ARMH3: variants seen among roughly 807,000 people sequenced by gnomAD.
The protein encoded by ARMH3 is armadillo-like helical domain-containing protein 3.
A neutral mutation model predicts 99.1 loss-of-function variants in ARMH3; 60 were observed. That is an observed-to-expected ratio of 0.61 (90% CI 0.49 to 0.75). The LOEUF (loss-of-function observed/expected upper bound fraction) is 0.75, where lower values mean the gene tolerates loss of function less well. ARMH3 is among the 30% of genes least tolerant of loss of function. ARMH3 has a pLI of 0.00. For synonymous variants in ARMH3, 285 were observed against 292.8 expected (o/e 0.97, Z 0.27); for missense variants, 679 against 843.1 (o/e 0.81, Z 2.41).
In ARMH3 at chr10:101,954,527, T is replaced by C. The variant is rs191229686; in HGVS notation, c.1705+2070A>G. ...ATCAGTGGTTGCTAGGGGTTGTGCG[T>C]AGACAAAGGAGGTGACCTCATATGA... On this transcript the variant is annotated intron_variant, in intron 22 of 25. Coordinates refer to ENST00000370033, the MANE Select transcript of ARMH3 (RefSeq NM_024541.3). 2.0e-4 allele frequency among the ~76,000 whole-genome samples: 30 copies of C among 152,264 alleles called. No homozygotes were observed. In the East Asian group the frequency reaches 5.0e-3, roughly 25 times the overall value.
At chr10:101,881,410 G>C (rs1176368950) in intron 24 of ARMH3, among the ~76,000 whole-genome samples, 1 of 152,098 alleles carries the variant, frequency 6.6e-6, no homozygotes, top group East Asian at 1.9e-4. Flanking sequence ...GGTTACCAGG[G>C]CAGCTGAGGG....
At chr10:101,963,143 ATTTTTTT>A (rs11455511) in intron 20 of ARMH3, among the ~76,000 whole-genome samples, 49 of 112,238 alleles carry the variant, frequency 4.4e-4, no homozygotes, top group Non-Finnish European at 6.9e-4. Context: ...ATAATTTTGC[ATTTTTTT>A]TTTTTTTTTT....
chr10:102,028,618 T>A (rs1297980583), intron 5 of ARMH3, among the ~76,000 whole-genome samples: 3 of 152,184 alleles, frequency 2.0e-5, no homozygotes. Context: ...AAAAACATTA[T>A]GTGAAGTAAC....
At chr10:101,898,929 C>T (rs980042844) in intron 23 of ARMH3, among the ~76,000 whole-genome samples, 4 of 152,244 alleles carry the variant, frequency 2.6e-5, no homozygotes, top group African/African-American at 4.8e-5. Flanking sequence ...GATCTCTTCA[C>T]ATAGAATGTT....
chr10:102,043,551 G>A lies in ARMH3; in HGVS notation c.-11-3426C>T, dbSNP rs1007937366. ...CAAATCATGAGAAATAAATGGAGTA[G>A]AAGTACAAAGAAAATGCTATGGGAT... On this transcript the variant is annotated intron_variant, in intron 1 of 25. Coordinates refer to ENST00000370033, the MANE Select transcript of ARMH3 (RefSeq NM_024541.3). 3.9e-5 allele frequency among the ~76,000 whole-genome samples: 6 copies of A among 152,142 alleles called. No homozygotes were observed. In the South Asian group the frequency reaches 6.2e-4, roughly 16 times the overall value.
At chr10:101,879,620 G>A (rs922497731) in intron 24 of ARMH3, among the ~76,000 whole-genome samples, 1 of 152,136 alleles carries the variant, frequency 6.6e-6, no homozygotes, top group Non-Finnish European at 1.5e-5. Context: ...CAAAAGTGCT[G>A]GGACTACAGG....
At chr10:101,885,725 A>G (rs1490854048) in intron 24 of ARMH3, among the ~76,000 whole-genome samples, 3 of 152,186 alleles carry the variant, frequency 2.0e-5, no homozygotes, top group Non-Finnish European at 4.4e-5. Context: ...CAACAATGTG[A>G]ATGTATTTAA....
At chr10:102,011,328 CTA>C (rs1028118576) in intron 11 of ARMH3, among the ~76,000 whole-genome samples, 5 of 152,150 alleles carry the variant, frequency 3.3e-5, no homozygotes, top group Non-Finnish European at 7.4e-5. Flanking sequence ...CCAAACCCTA[CTA>C]TACCGTGTTC....
At chr10:102,011,672 G>T (rs1374387680) in intron 11 of ARMH3, 51 bp downstream of exon 11, 6 of 1,502,992 alleles carry the variant, frequency 4.0e-6, no homozygotes, top group South Asian at 1.2e-5. Flanking sequence ...CACCCCTGCA[G>T]ACCACACTGT....
intron 15 of ARMH3, among the ~76,000 whole-genome samples, chr10:102,000,100 T>A (rs961430123): frequency 3.3e-5 from 5 of 151,806 alleles, no homozygotes; most frequent in Non-Finnish European, 7.4e-5. Context: ...AAAAATAAAA[T>A]AAAATAAAAT....
chr10:101,941,552 A>C (rs1433625439), intron 22 of ARMH3, among the ~76,000 whole-genome samples: 1 of 152,236 alleles, frequency 6.6e-6, no homozygotes, highest in Admixed American at 6.5e-5. Context: ...GGGGGAAAGA[A>C]AGCTCATCTG....
At chr10:101,903,588 A>T (rs1396975849) in intron 23 of ARMH3, among the ~76,000 whole-genome samples, 2 of 152,366 alleles carry the variant, frequency 1.3e-5, no homozygotes, top group East Asian at 3.9e-4. Context: ...GTTTATAATT[A>T]GGCAAGGAAA....
intron 19 of ARMH3, among the ~76,000 whole-genome samples, chr10:101,979,087 T>C (rs990046376): frequency 3.4e-4 from 51 of 152,088 alleles, no homozygotes; most frequent in Non-Finnish European, 6.6e-4. Flanking sequence ...GAAGCTATGA[T>C]TGCACCACTG....
chr10:101,941,737 G>A (rs1047499156), intron 22 of ARMH3, among the ~76,000 whole-genome samples: 3 of 152,156 alleles, frequency 2.0e-5, no homozygotes, highest in African/African-American at 7.2e-5. Context: ...TCTAAACTCA[G>A]GTTTCACTGA....
At chr10:101,921,784 C>T (rs980797053) in intron 23 of ARMH3, among the ~76,000 whole-genome samples, 3 of 152,108 alleles carry the variant, frequency 2.0e-5, no homozygotes, top group Admixed American at 1.3e-4. Flanking sequence ...AAAAAGTTCA[C>T]CTCATGAAGG....
intron 23 of ARMH3, among the ~76,000 whole-genome samples, chr10:101,923,180 A>T (rs1258215128): frequency 1.3e-5 from 2 of 152,186 alleles, no homozygotes; most frequent in Non-Finnish European, 2.9e-5. Flanking sequence ...ACAGCAAGAG[A>T]CAGTTTAAGA....
intron 23 of ARMH3, among the ~76,000 whole-genome samples, chr10:101,898,630 T>C (rs1424670182): frequency 1.3e-5 from 2 of 152,254 alleles, no homozygotes; most frequent in African/African-American, 4.8e-5. Context: ...GTTGTTTTTG[T>C]AACTCTCATT....
rs144097502 is a variant in ARMH3 at position 101,976,412 on chromosome 10, T to TCA, written c.1407-1114_1407-1113dup. The stretch of plus-strand genomic sequence containing the variant: ...CTCTCTCTCTCTCTCTCTCTCTCTC[T>TCA]CACACACACACACACGCAATCACAT... On this transcript the variant is annotated intron_variant, in intron 19 of 25. Coordinates refer to ENST00000370033, the MANE Select transcript of ARMH3 (RefSeq NM_024541.3). 5.4e-3 allele frequency among the ~76,000 whole-genome samples: 770 copies of TCA among 141,924 alleles called. 8 individuals carry two copies. Among genetic ancestry groups the TCA allele is most frequent in the African/African-American group, 0.019 (733 of 38,598 alleles). The allele number at this position is 141,924 out of a possible 152,430, so 93.1% of individuals were successfully genotyped here.
intron 23 of ARMH3, among the ~76,000 whole-genome samples, chr10:101,936,197 T>C (rs973078585): frequency 2.0e-5 from 3 of 151,724 alleles, no homozygotes; most frequent in Non-Finnish European, 2.9e-5. Flanking sequence ...TTAACTTTTA[T>C]AGAAAAGAAA....
Sources: allele counts gnomAD v4.1 joint callset (sites outside exome capture counted in the v4.1 genomes callset), GRCh38; gene constraint gnomAD v4.1.1; transcripts MANE v1.5; gene names NCBI Gene and HGNC (gene_info 2026-07-23, HGNC 2026-07-21).